ERICH6: variants seen among roughly 807,000 people sequenced by gnomAD.
The protein encoded by ERICH6 is glutamate-rich protein 6.
ERICH6 carries 71 observed loss-of-function variants against 71.0 expected under a neutral mutation model. That is an observed-to-expected ratio of 1.00 (90% CI 0.83 to 1.22). The LOEUF is 1.22. ERICH6 is among the 50% of genes most tolerant of loss of function. The probability of loss-of-function intolerance (pLI) is 0.00; values close to 1 mark genes in which losing one functional copy is unlikely to be tolerated. For missense variants in ERICH6, 808 were observed against 797.2 expected (o/e 1.01, Z -0.16); for synonymous variants, 262 against 278.4 (o/e 0.94, Z 0.59).
rs1048560669 is a variant in ERICH6, at chr3:150,698,033, ATTCTCAGGAAAGAT to A, written c.553+744_553+757del. Among the ~76,000 whole-genome samples the A allele has an allele frequency of 1.1e-4, 16 of 152,256 alleles. 2 individuals are homozygous for A. Among genetic ancestry groups the A allele is most frequent in the Admixed American group, 4.6e-4 (7 of 15,296 alleles). The stretch of plus-strand genomic sequence containing the variant: ...GTAGGTCTTTTCTCAAATACCTCAG[ATTCTCAGGAAAGAT>A]TTCTCTGGGCACCCTGTGTAAACTT... On this transcript the variant is annotated intron_variant, in intron 3 of 13. Coordinates refer to ENST00000295910, the MANE Select transcript of ERICH6 (RefSeq NM_152394.5).
chr3:150,696,199 A>G (rs1046941910), intron 3 of ERICH6, among the ~76,000 whole-genome samples: 19 of 152,102 alleles, frequency 1.2e-4, no homozygotes, highest in African/African-American at 4.3e-4. Flanking sequence ...ACCATTTCAA[A>G]GCAGAGTGGA....
chr3:150,693,887 T>A (rs1420571569), intron 3 of ERICH6, among the ~76,000 whole-genome samples: 1 of 152,162 alleles, frequency 6.6e-6, no homozygotes, highest in East Asian at 1.9e-4. Flanking sequence ...CCTTCTTTCT[T>A]CCCCCATTTT....
At chr3:150,666,214 G>C (rs1176735265) in intron 13 of ERICH6, among the ~76,000 whole-genome samples, 1 of 152,214 alleles carries the variant, frequency 6.6e-6, no homozygotes, top group Non-Finnish European at 1.5e-5. Context: ...CCTGGGAGAG[G>C]CACTGGAGTT....
At chr3:150,686,074 A>T (rs1490498697) in intron 4 of ERICH6, 53 bp from the exon 5 acceptor site, 101 of 1,424,460 alleles carry the variant, frequency 7.1e-5, no homozygotes, top group Non-Finnish European at 6.5e-5. Flanking sequence ...TGTGCAGTGC[A>T]TTCCACTTCT....
intron 9 of ERICH6, among the ~76,000 whole-genome samples, chr3:150,679,035 C>CAAAAAAAAAA (rs1160094551): frequency 3.1e-5 from 2 of 65,222 alleles, no homozygotes; most frequent in African/African-American, 1.2e-4. Context: ...GACTCTGTCT[C>CAAAAAAAAAA]AAAAAAAAAA....
intron 10 of ERICH6, among the ~76,000 whole-genome samples, chr3:150,674,242 A>G (rs1300004641): frequency 6.6e-6 from 1 of 152,206 alleles, no homozygotes; most frequent in Non-Finnish European, 1.5e-5. Flanking sequence ...TAACTTGATA[A>G]AAATCCTTCT....
intron 3 of ERICH6, among the ~76,000 whole-genome samples, chr3:150,686,777 CAAT>C (rs1210084629): frequency 6.6e-6 from 1 of 152,144 alleles, no homozygotes; most frequent in African/African-American, 2.4e-5. Context: ...TAAATGAAGT[CAAT>C]AACTTTTACC....
chr3:150,685,698 T>C, intron 6 of ERICH6, 44 bp downstream of exon 6: 1 of 1,445,174 alleles, frequency 6.9e-7, no homozygotes, highest in South Asian at 1.2e-5. Flanking sequence ...TTTTCTTATG[T>C]CATTTTTTTA....
At position 150,673,969 on chromosome 3, in the gene ERICH6, T is replaced by A. The variant is rs766662670; in HGVS notation, c.1330A>T (p.Thr444Ser). 1 of 1,614,018 alleles carries A rather than the reference T, an allele frequency of 6.2e-7. No homozygotes were observed. Among genetic ancestry groups the A allele is most frequent in the South Asian group, 1.1e-5 (1 of 91,070 alleles). ...SKFLTSFPDG[T>S]TQIFYPSGNL... ...GAAAGAGGATACAATATTTGTGTTG[T>A]CCCATCTGGAAATGAAGTCAGAAAC... is the stretch of plus-strand genomic sequence containing the variant. Residue 444 changes from threonine to serine, a missense_variant, in exon 11 of 14, where the codon ACA becomes TCA. Coordinates refer to ENST00000295910, the MANE Select transcript of ERICH6 (RefSeq NM_152394.5).
chr3:150,686,609 G>T (rs868549995), intron 3 of ERICH6, among the ~76,000 whole-genome samples: 24 of 152,252 alleles, frequency 1.6e-4, no homozygotes, highest in African/African-American at 5.8e-4. Flanking sequence ...CCCTTGATCT[G>T]CAGGGGATAT....
chr3:150,666,046 CATT>C (rs1559909250), intron 13 of ERICH6, among the ~76,000 whole-genome samples: 1 of 152,198 alleles, frequency 6.6e-6, no homozygotes, highest in Non-Finnish European at 1.5e-5. Flanking sequence ...AGGTCGGAAT[CATT>C]ATTCCATTTT....
chr3:150,686,635 G>C (rs893081284), intron 3 of ERICH6, among the ~76,000 whole-genome samples: 4 of 152,186 alleles, frequency 2.6e-5, no homozygotes, highest in Admixed American at 2.0e-4. Flanking sequence ...AAAATCCTGA[G>C]TGGATGCCTG....
intron 3 of ERICH6, among the ~76,000 whole-genome samples, chr3:150,687,964 TA>T (rs1317201777): frequency 6.6e-6 from 1 of 151,718 alleles, no homozygotes; most frequent in African/African-American, 2.4e-5. Context: ...TGAAAAACTT[TA>T]AAAAAAATTA....
chr3:150,699,818 C>T (rs2108080266), intron 2 of ERICH6, among the ~76,000 whole-genome samples: 1 of 151,422 alleles, frequency 6.6e-6, no homozygotes, highest in Non-Finnish European at 1.5e-5. Context: ...TATGAATCCT[C>T]CAATAAAAAA....
At chr3:150,664,522 C>T (rs1385245856) in intron 13 of ERICH6, among the ~76,000 whole-genome samples, 1 of 151,916 alleles carries the variant, frequency 6.6e-6, no homozygotes, top group Non-Finnish European at 1.5e-5. Context: ...GTGGTGCACG[C>T]CTGAGCCCCA....
intron 13 of ERICH6, among the ~76,000 whole-genome samples, chr3:150,664,092 T>C (rs1043955104): frequency 1.3e-5 from 2 of 151,938 alleles, no homozygotes; most frequent in African/African-American, 4.8e-5. Context: ...AGAAACAGCC[T>C]GTGAGGTACA....
rs370926346 is a variant in ERICH6 at position 150,698,933 on chromosome 3, G to T, written c.462-51C>A. 463 of 1,169,168 alleles carry T rather than the reference G, an allele frequency of 4.0e-4. 1 individual carries two copies. The highest frequency in any genetic ancestry group is 5.5e-4 in the Non-Finnish European group (434 of 793,464). 72.4% of individuals were successfully genotyped at this position (1,169,168 alleles called of 1,614,324 possible). On this transcript the variant is annotated intron_variant, in intron 2 of 13. Transcript: ENST00000295910. ...AGTATACCTATATAGTTGTTAGCAGGTCTTCTAAACATCGAACATTTAATA... is the reference window on the plus strand; with the variant it reads ...AGTATACCTATATAGTTGTTAGCAGTTCTTCTAAACATCGAACATTTAATA...
chr3:150,661,033 A>G (rs1727205278), intron 13 of ERICH6, among the ~76,000 whole-genome samples: 1 of 152,218 alleles, frequency 6.6e-6, no homozygotes, highest in African/African-American at 2.4e-5. Context: ...TTTACAGATT[A>G]AGTCAATGAT....
intron 11 of ERICH6, 75 bp downstream of exon 11, chr3:150,673,881 A>G (rs532161099): frequency 6.3e-4 from 896 of 1,431,142 alleles, no homozygotes; most frequent in Non-Finnish European, 8.1e-4. Context: ...GCACCCAACC[A>G]TGTATTTCCT....
Sources: allele counts gnomAD v4.1 joint callset (sites outside exome capture counted in the v4.1 genomes callset), GRCh38; gene constraint gnomAD v4.1.1; transcripts MANE v1.5; gene names NCBI Gene and HGNC (gene_info 2026-07-23, HGNC 2026-07-21).